The following CSMD1 variants were observed in gnomAD, a reference collection of about 807,000 sequenced individuals.
CSMD1 encodes the protein CUB and Sushi multiple domains 1.
In CSMD1, 213 loss-of-function variants were observed where a neutral mutation model predicts 417.5. The observed-to-expected ratio is 0.51, with a 90% CI of 0.46 to 0.57. The LOEUF (loss-of-function observed/expected upper bound fraction) is 0.57, where lower values mean the gene tolerates loss of function less well. Ranked by LOEUF, CSMD1 falls within the 20% of genes least tolerant of loss-of-function variation. CSMD1 has a pLI of 0.00. For missense variants in CSMD1, 6,923 were observed against 4,529.7 expected, an observed-to-expected ratio of 1.53 and a Z score of -15.17; for synonymous variants, 2,862 against 1,736.8, an observed-to-expected ratio of 1.65 and a Z score of -16.11.
At chr8:4,030,907 T>A (rs1797309849) in intron 4 of CSMD1, among the ~76,000 whole-genome samples, 1 of 152,144 alleles carries the variant, frequency 6.6e-6, no homozygotes, top group Non-Finnish European at 1.5e-5. Context: ...GTTCCACAAC[T>A]CTCTAGGGCA....
intron 2 of CSMD1, among the ~76,000 whole-genome samples, chr8:4,525,070 C>T (rs946404643): frequency 5.3e-5 from 8 of 152,196 alleles, no homozygotes; most frequent in African/African-American, 1.9e-4. Flanking sequence ...AATTAAACTG[C>T]AAGTCAAATA....
At chr8:3,779,706 G>C (rs183034065) in intron 5 of CSMD1, among the ~76,000 whole-genome samples, 3 of 151,938 alleles carry the variant, frequency 2.0e-5, no homozygotes, top group Non-Finnish European at 4.4e-5. Flanking sequence ...ACTATCTAGC[G>C]CATATTTTAT....
Position 4,465,474 on chromosome 8 carries a change from G to C in CSMD1, c.303-45409C>G, listed in dbSNP as rs78688638. Among the ~76,000 whole-genome samples the C allele has an allele frequency of 7.4e-4, 113 of 152,268 alleles. 1 individual carries two copies. Among genetic ancestry groups the C allele is most frequent in the African/African-American group, 2.6e-3 (107 of 41,554 alleles). The stretch of plus-strand genomic sequence containing the variant: ...TTGCCATATTATTTTAAAATACCAA[G>C]ATGGTTCGTCGTCCTCCCAAGAGGT... On this transcript the variant is annotated intron_variant, in intron 2 of 69. Transcript: ENST00000635120.
At chr8:3,159,736 CAG>C (rs1240657156) in intron 38 of CSMD1, among the ~76,000 whole-genome samples, 1 of 152,176 alleles carries the variant, frequency 6.6e-6, no homozygotes, top group Non-Finnish European at 1.5e-5. Flanking sequence ...ATTTGAAAAA[CAG>C]AGCTAATAAA....
At chr8:4,394,704 T>G (rs1393224974) in intron 3 of CSMD1, among the ~76,000 whole-genome samples, 1 of 152,206 alleles carries the variant, frequency 6.6e-6, no homozygotes, top group Non-Finnish European at 1.5e-5. Context: ...CCTGACTGGC[T>G]TATCTGTTGC....
intron 1 of CSMD1, among the ~76,000 whole-genome samples, chr8:4,776,596 T>A (rs1018946906): frequency 6.6e-6 from 1 of 152,154 alleles, no homozygotes; most frequent in African/African-American, 2.4e-5. Flanking sequence ...ACGTTCGCGT[T>A]CAATGATACC....
chr8:3,562,670 T>G (rs1799520536), intron 10 of CSMD1, among the ~76,000 whole-genome samples: 1 of 152,046 alleles, frequency 6.6e-6, no homozygotes, highest in Non-Finnish European at 1.5e-5. Context: ...CACTGGGAAT[T>G]TAAAGACACT....
intron 2 of CSMD1, among the ~76,000 whole-genome samples, chr8:4,491,292 C>G (rs573013297): frequency 2.6e-5 from 4 of 152,214 alleles, no homozygotes; most frequent in African/African-American, 9.6e-5. Flanking sequence ...AGAGGAGATG[C>G]CTGACGTGCC....
At chr8:3,693,180 C>G (rs988035858) in intron 7 of CSMD1, among the ~76,000 whole-genome samples, 76 of 152,070 alleles carry the variant, frequency 5.0e-4, no homozygotes, top group African/African-American at 1.8e-3. Flanking sequence ...TAAAATTGGT[C>G]AGGAGTCAAT....
At chr8:3,546,040 G>C (rs1798645131) in intron 10 of CSMD1, among the ~76,000 whole-genome samples, 1 of 152,178 alleles carries the variant, frequency 6.6e-6, no homozygotes. Context: ...AAACCAAAAT[G>C]CAGTTTCTCC....
chr8:4,680,390 T>C lies in CSMD1; in HGVS notation c.86-42832A>G, dbSNP rs187690761. ...TACTAATGTTACTGTTCAATACAAGTGCACTTTCTGGTGAATTTCCTTCAC... is the reference window on the plus strand; with the variant it reads ...TACTAATGTTACTGTTCAATACAAGCGCACTTTCTGGTGAATTTCCTTCAC... On this transcript the variant is annotated intron_variant, in intron 1 of 69. Transcript: ENST00000635120. 2.5e-3 allele frequency among the ~76,000 whole-genome samples: 383 copies of C among 152,298 alleles called. 1 individual carries two copies. The highest frequency in any genetic ancestry group is 3.8e-3 in the Non-Finnish European group (259 of 68,028).
Position 4,790,950 on chromosome 8 carries a change from A to G in CSMD1, c.86-153392T>C, listed in dbSNP as rs141045166. ...AAGACTTAACGGCAAAGACTCCAAAAGCAACTAAGACAAAAGTAAAAATTG... is the reference window on the plus strand; with the variant it reads ...AAGACTTAACGGCAAAGACTCCAAAGGCAACTAAGACAAAAGTAAAAATTG... On this transcript the variant is annotated intron_variant, in intron 1 of 69. Transcript: ENST00000635120. 3.7e-4 allele frequency among the ~76,000 whole-genome samples: 56 copies of G among 152,372 alleles called. 1 individual carries two copies. In the East Asian group the frequency reaches 9.8e-3, roughly 27 times the overall value.
intron 12 of CSMD1, among the ~76,000 whole-genome samples, chr8:3,411,948 A>ATATATACACGTATATATGTATACGTG (rs1812784443): frequency 2.3e-4 from 3 of 13,210 alleles, no homozygotes; most frequent in Non-Finnish European, 3.7e-4. Flanking sequence ...ATATGCACGT[A>ATATATACACGTATATATGTATACGTG]TATATACACG....
intron 5 of CSMD1, among the ~76,000 whole-genome samples, chr8:3,766,297 C>A (rs561619864): frequency 1.3e-5 from 2 of 152,136 alleles, no homozygotes; most frequent in Non-Finnish European, 2.9e-5. Context: ...GGACCCTCCA[C>A]GGGTGACGCA....
chr8:4,241,577 G>C (rs901454619), intron 3 of CSMD1, among the ~76,000 whole-genome samples: 32 of 152,180 alleles, frequency 2.1e-4, no homozygotes, highest in African/African-American at 7.5e-4. Context: ...GGACACAGCG[G>C]ACCCTAAATA....
At chr8:3,064,731 G>T (rs756279098) in intron 49 of CSMD1, among the ~76,000 whole-genome samples, 2 of 152,080 alleles carry the variant, frequency 1.3e-5, no homozygotes. Flanking sequence ...TCCTTACATG[G>T]TTTTGCAAGA....
chr8:3,022,295 G>A (rs1305167391), intron 51 of CSMD1, among the ~76,000 whole-genome samples: 3 of 129,032 alleles, frequency 2.3e-5, no homozygotes, highest in Non-Finnish European at 4.9e-5. Context: ...GAATGCACCC[G>A]CAATCCCACA....
intron 3 of CSMD1, among the ~76,000 whole-genome samples, chr8:4,318,435 G>T (rs1311316345): frequency 6.6e-6 from 1 of 152,088 alleles, no homozygotes. Context: ...GTAATATTGT[G>T]AAAATTACAT....
At chr8:4,775,093 G>A (rs948408774) in intron 1 of CSMD1, among the ~76,000 whole-genome samples, 1 of 152,140 alleles carries the variant, frequency 6.6e-6, no homozygotes, top group South Asian at 2.1e-4. Context: ...AGGTACTAAA[G>A]AGCAACAGAA....
Sources: gnomAD v4.1 joint callset for allele counts (sites outside exome capture counted in the v4.1 genomes callset) on GRCh38, gnomAD v4.1.1 for gene constraint, MANE v1.5 for transcripts, NCBI Gene and HGNC (gene_info 2026-07-23, HGNC 2026-07-21) for gene names.